Variants in MIPOL1 observed in about 807,000 individuals in gnomAD.
The protein encoded by MIPOL1 is mirror-image polydactyly 1.
In MIPOL1, 57 loss-of-function variants were observed where a neutral mutation model predicts 60.9. The ratio of observed to expected loss-of-function variants is 0.94; its 90% CI spans 0.76 to 1.17. The LOEUF (loss-of-function observed/expected upper bound fraction) is 1.17. Ranked by LOEUF, MIPOL1 falls within the 50% of genes most tolerant of loss-of-function variation. The pLI, the probability that MIPOL1 is intolerant of heterozygous loss-of-function variation, is 0.00. For synonymous variants in MIPOL1, 179 were observed against 168.8 expected, an observed-to-expected ratio of 1.06 and a Z score of -0.47; for missense variants, 551 against 511.6, an observed-to-expected ratio of 1.08 and a Z score of -0.74.
chr14:37,433,657 G>C (rs1042897328), intron 11 of MIPOL1, among the ~76,000 whole-genome samples: 1 of 152,128 alleles, frequency 6.6e-6, no homozygotes, highest in Non-Finnish European at 1.5e-5. Context: ...CCAGGTTCAA[G>C]TGATTCTTCT....
chr14:37,280,891 C>T (rs528123055), intron 6 of MIPOL1, among the ~76,000 whole-genome samples: 2 of 152,090 alleles, frequency 1.3e-5, no homozygotes, highest in East Asian at 1.9e-4. Context: ...TTGAATAGTT[C>T]GAGTTCCTTG....
intron 4 of MIPOL1, among the ~76,000 whole-genome samples, chr14:37,267,824 A>G (rs1481969500): frequency 6.6e-6 from 1 of 152,226 alleles, no homozygotes. Context: ...CAGCTCCAGG[A>G]CAAGGTAAGC....
intron 7 of MIPOL1, among the ~76,000 whole-genome samples, chr14:37,297,941 A>G (rs916802013): frequency 8.5e-5 from 13 of 152,220 alleles, no homozygotes; most frequent in African/African-American, 3.1e-4. Context: ...TCTTCACAGA[A>G]CTGGAAAAAA....
At chr14:37,370,393 A>C (rs2092606630) in intron 10 of MIPOL1, among the ~76,000 whole-genome samples, 1 of 146,928 alleles carries the variant, frequency 6.8e-6, no homozygotes, top group Non-Finnish European at 1.5e-5. Context: ...GGTTTAAAAA[A>C]AGAAATCCAT....
Position 37,348,039 on chromosome 14 carries a change from A to G in MIPOL1, c.829-21478A>G, listed in dbSNP as rs556317565. Among the ~76,000 whole-genome samples, 14 of 152,280 alleles carry G rather than the reference A, an allele frequency of 9.2e-5. No individual in the cohort carries two copies. The East Asian group carries it at 2.7e-3, about 29-fold the overall frequency. ...TTAGGGAGCACAGTACCCAACAGGT[A>G]GTTTTATACCTCATTCGCCTTTCTG... is the stretch of plus-strand genomic sequence containing the variant. On this transcript the variant is annotated intron_variant, in intron 9 of 12. Coordinates refer to ENST00000684589, the MANE Select transcript of MIPOL1 (RefSeq NM_001388067.1).
chr14:37,319,962 T>C (rs1359048893), intron 9 of MIPOL1, among the ~76,000 whole-genome samples: 1 of 152,182 alleles, frequency 6.6e-6, no homozygotes, highest in Non-Finnish European at 1.5e-5. Flanking sequence ...TTGATCTGTA[T>C]TGTTAATAAT....
intron 12 of MIPOL1, among the ~76,000 whole-genome samples, chr14:37,529,125 G>A (rs150082829): frequency 0.01 from 1,526 of 152,178 alleles, 33 homozygotes; most frequent in African/African-American, 0.033. Flanking sequence ...TTCATTGTAA[G>A]CATTAATAGA....
intron 11 of MIPOL1, among the ~76,000 whole-genome samples, chr14:37,430,287 T>C (rs1157295555): frequency 2.0e-5 from 3 of 152,158 alleles, no homozygotes; most frequent in African/African-American, 7.2e-5. Context: ...CTTTTTCTAC[T>C]TCTCACATTT....
At chr14:37,289,898 A>G (rs150803180) in intron 7 of MIPOL1, among the ~76,000 whole-genome samples, 60 of 152,280 alleles carry the variant, frequency 3.9e-4, no homozygotes, top group African/African-American at 1.2e-3. Flanking sequence ...ATTAGCGTAC[A>G]AAAAGACATC....
At chr14:37,415,615 C>A (rs1160049206) in intron 10 of MIPOL1, among the ~76,000 whole-genome samples, 1 of 115,362 alleles carries the variant, frequency 8.7e-6, no homozygotes, top group African/African-American at 3.3e-5. Flanking sequence ...GGCGACAGAG[C>A]GAGACTCTGT....
At chr14:37,220,788 CT>C (rs1176960988) in intron 1 of MIPOL1, among the ~76,000 whole-genome samples, 1 of 151,924 alleles carries the variant, frequency 6.6e-6, no homozygotes, top group Non-Finnish European at 1.5e-5. Context: ...TGTTTATTTG[CT>C]TATTAATAGA....
intron 3 of MIPOL1, among the ~76,000 whole-genome samples, chr14:37,250,612 C>T (rs970253019): frequency 1.3e-5 from 2 of 152,026 alleles, no homozygotes; most frequent in Non-Finnish European, 2.9e-5. Context: ...CTTGGGATAA[C>T]AGATATGTTT....
chr14:37,253,638 G>A (rs1974455370), intron 3 of MIPOL1, among the ~76,000 whole-genome samples: 1 of 151,696 alleles, frequency 6.6e-6, no homozygotes, highest in Non-Finnish European at 1.5e-5. Flanking sequence ...ATTCTACTGA[G>A]TTTCAAAAGT....
intron 7 of MIPOL1, among the ~76,000 whole-genome samples, chr14:37,307,580 C>A (rs1416733041): frequency 2.0e-5 from 3 of 151,818 alleles, no homozygotes; most frequent in Non-Finnish European, 4.4e-5. Context: ...TAGGTAACAG[C>A]AAGAGATTTT....
chr14:37,308,064 A>C lies in MIPOL1; in HGVS notation c.632A>C (p.Asn211Thr), dbSNP rs1427945730. 6.2e-7 allele frequency: 1 copy of C among 1,611,284 alleles called. No homozygotes were observed. Among genetic ancestry groups the C allele is most frequent in the Admixed American group, 1.7e-5 (1 of 59,748 alleles). Residue 211 changes from asparagine (N) to threonine (T), a missense_variant, in exon 8 of 13, where the codon AAT becomes ACT. Coordinates refer to ENST00000684589, the MANE Select transcript of MIPOL1 (RefSeq NM_001388067.1). Reference sequence around the variant, plus strand: ...GTGTCCCTTTTTTCTAGGCTAGAAAATATTAACCCTGAAGAAAATGACATG... The same window carrying C: ...GTGTCCCTTTTTTCTAGGCTAGAAACTATTAACCCTGAAGAAAATGACATG... Reference protein sequence around the residue: ...HMEMSLKVLENINPEENDMTL... With the variant: ...HMEMSLKVLETINPEENDMTL...
chr14:37,282,124 AC>A (rs1259822936), intron 6 of MIPOL1, among the ~76,000 whole-genome samples: 1 of 152,096 alleles, frequency 6.6e-6, no homozygotes, highest in Non-Finnish European at 1.5e-5. Context: ...AACACTTAAA[AC>A]TAAAAGAGCA....
intron 6 of MIPOL1, chr14:37,276,684 G>A (rs1161332399): frequency 6.6e-6 from 1 of 151,188 alleles, no homozygotes; most frequent in Non-Finnish European, 1.5e-5. Context: ...TAATTTTTCT[G>A]TGTATATAAT....
intron 11 of MIPOL1, among the ~76,000 whole-genome samples, chr14:37,489,126 TC>T (rs1194598424): frequency 3.9e-5 from 6 of 152,212 alleles, no homozygotes; most frequent in African/African-American, 7.2e-5. Flanking sequence ...TTTCACATAG[TC>T]CCATTTATCT....
chr14:37,325,500 C>T (rs2089062229), intron 9 of MIPOL1, among the ~76,000 whole-genome samples: 1 of 150,280 alleles, frequency 6.7e-6, no homozygotes, highest in Non-Finnish European at 1.5e-5. Flanking sequence ...CCCTCCCTTT[C>T]TCTCCTTTTC....
Sources: allele counts gnomAD v4.1 joint callset (sites outside exome capture counted in the v4.1 genomes callset), GRCh38; gene constraint gnomAD v4.1.1; transcripts MANE v1.5; gene names NCBI Gene and HGNC (gene_info 2026-07-23, HGNC 2026-07-21).